The following DGKB variants were observed in gnomAD, a reference collection of about 807,000 sequenced individuals.
DGKB encodes the protein 90 kDa diacylglycerol kinase.
DGKB carries 67 observed loss-of-function variants against 114.3 expected under a neutral mutation model. That is an observed-to-expected ratio of 0.59 (90% CI 0.48 to 0.72). The LOEUF (loss-of-function observed/expected upper bound fraction) is 0.72. Ranked by LOEUF, DGKB falls within the 30% of genes least tolerant of loss-of-function variation. The pLI, the probability that DGKB is intolerant of heterozygous loss-of-function variation, is 0.00. For missense variants in DGKB, 907 were observed against 975.2 expected (o/e 0.93, Z 0.93); for synonymous variants, 398 against 323.1 (o/e 1.23, Z -2.49).
chr7:14,424,059 G>T (rs1047648264), intron 21 of DGKB, among the ~76,000 whole-genome samples: 3 of 152,070 alleles, frequency 2.0e-5, no homozygotes, highest in African/African-American at 7.2e-5. Context: ...TTGGGCAATA[G>T]GTTCCTAACT....
intron 21 of DGKB, among the ~76,000 whole-genome samples, chr7:14,351,139 G>A (rs1292491841): frequency 6.6e-6 from 1 of 152,172 alleles, no homozygotes; most frequent in Non-Finnish European, 1.5e-5. Context: ...TGCAGAGTAA[G>A]TGTTTAAAGT....
At chr7:14,297,616 C>A (rs1584998126) in intron 23 of DGKB, among the ~76,000 whole-genome samples, 1 of 152,092 alleles carries the variant, frequency 6.6e-6, no homozygotes, top group African/African-American at 2.4e-5. Context: ...TGGGCAAAAT[C>A]TGGAAGCATT....
chr7:14,867,107 T>C (rs1851810195), intron 1 of DGKB, among the ~76,000 whole-genome samples: 1 of 152,210 alleles, frequency 6.6e-6, no homozygotes, highest in South Asian at 2.1e-4. Flanking sequence ...TTTTAAGAAT[T>C]CTTTGTAATT....
At position 14,375,749 on chromosome 7, in the gene DGKB, C is replaced by T. The variant is rs192130032; in HGVS notation, c.1836-30358G>A. Among the ~76,000 whole-genome samples the T allele has an allele frequency of 6.0e-4, 92 of 152,292 alleles. 1 individual carries two copies. Among genetic ancestry groups the T allele is most frequent in the South Asian group, 4.6e-3 (22 of 4,832 alleles). ...GCACTTCCTGCCATCTGAAATGCTGCTGTTTTACTTTGATTGCCTCTCTCC... is the reference window on the plus strand; with the variant it reads ...GCACTTCCTGCCATCTGAAATGCTGTTGTTTTACTTTGATTGCCTCTCTCC... On this transcript the variant is annotated intron_variant, in intron 21 of 25. Transcript: ENST00000402815.
rs538298385 is a variant in DGKB, at chr7:14,841,301, G to C, written c.-38C>G. 6.3e-7 allele frequency: 1 copy of C among 1,588,884 alleles called. No homozygotes were observed. Among genetic ancestry groups the C allele is most frequent in the Admixed American group, 1.7e-5 (1 of 59,040 alleles). On this transcript the variant is annotated 5_prime_UTR_variant, in exon 2 of 26. The change creates a new upstream start codon in the 5' untranslated region. Transcript: ENST00000402815. ...AAGCTCTGTCACATACCAGGTAAAAGATTCTTTATTCAGGTGTTGCGCAGA... is the reference window on the plus strand; with the variant it reads ...AAGCTCTGTCACATACCAGGTAAAACATTCTTTATTCAGGTGTTGCGCAGA...
chr7:14,380,283 T>C (rs1657866649), intron 21 of DGKB, among the ~76,000 whole-genome samples: 1 of 151,736 alleles, frequency 6.6e-6, no homozygotes, highest in African/African-American at 2.4e-5. Context: ...TGGCAGCATG[T>C]TTTTAATTAT....
rs188901278 is a variant in DGKB, at chr7:14,795,796, T to C, written c.71-38065A>G. 1.1e-3 allele frequency among the ~76,000 whole-genome samples: 173 copies of C among 152,312 alleles called. 1 individual carries two copies. The highest frequency in any genetic ancestry group is 4.0e-3 in the African/African-American group (166 of 41,586). ...CTAGGCTTACTGATTATGGCATTTC[T>C]AGACGTGAAATAGAAAATCTGTCAA... On this transcript the variant is annotated intron_variant, in intron 2 of 25. Coordinates refer to ENST00000402815, the MANE Select transcript of DGKB (RefSeq NM_001350709.2).
intron 16 of DGKB, among the ~76,000 whole-genome samples, chr7:14,611,346 C>A (rs1322813916): frequency 6.6e-6 from 1 of 152,126 alleles, no homozygotes; most frequent in Non-Finnish European, 1.5e-5. Flanking sequence ...GCATTGCTGT[C>A]TGAACACATA....
At chr7:14,644,223 T>C (rs1812455267) in intron 13 of DGKB, among the ~76,000 whole-genome samples, 1 of 151,840 alleles carries the variant, frequency 6.6e-6, no homozygotes, top group South Asian at 2.1e-4. Flanking sequence ...GGAAAAAAAG[T>C]GTTACCCTAT....
chr7:14,243,999 T>G (rs548897304), intron 23 of DGKB, among the ~76,000 whole-genome samples: 1 of 151,952 alleles, frequency 6.6e-6, no homozygotes, highest in East Asian at 2.0e-4. Context: ...TTTCCTTCTA[T>G]GAAATACAGT....
At chr7:14,732,063 A>G (rs1196131926) in intron 5 of DGKB, among the ~76,000 whole-genome samples, 1 of 152,186 alleles carries the variant, frequency 6.6e-6, no homozygotes, top group Non-Finnish European at 1.5e-5. Context: ...ACCCAGCTAT[A>G]CATATGCATA....
chr7:14,547,352 C>G (rs1390576312), intron 20 of DGKB, among the ~76,000 whole-genome samples: 3 of 151,802 alleles, frequency 2.0e-5, no homozygotes, highest in Admixed American at 2.0e-4. Context: ...TTCTGTCTTT[C>G]CAATAGTAAG....
Position 14,491,586 on chromosome 7 carries a change from T to C in DGKB, c.1771-13361A>G, listed in dbSNP as rs549108158. On this transcript the variant is annotated intron_variant, in intron 20 of 25. Transcript: ENST00000402815. ...GTATTTCATCATTTATTGTTGCTAATGCCATTAGCATCCAATATTTCCTAA... is the reference window on the plus strand; with the variant it reads ...GTATTTCATCATTTATTGTTGCTAACGCCATTAGCATCCAATATTTCCTAA... Among the ~76,000 whole-genome samples the C allele has an allele frequency of 1.2e-4, 19 of 152,258 alleles. 1 individual carries two copies. The South Asian group carries it at 3.9e-3, about 32-fold the overall frequency.
intron 20 of DGKB, among the ~76,000 whole-genome samples, chr7:14,518,869 TG>T (rs891498177): frequency 6.6e-6 from 1 of 152,014 alleles, no homozygotes; most frequent in Non-Finnish European, 1.5e-5. Context: ...ACAGATTCTT[TG>T]GGTCCTTTCC....
chr7:14,486,205 G>A (rs1783781776), intron 20 of DGKB, among the ~76,000 whole-genome samples: 1 of 152,178 alleles, frequency 6.6e-6, no homozygotes, highest in Non-Finnish European at 1.5e-5. Flanking sequence ...CTCCCATTCA[G>A]GAAGGGCCCC....
At chr7:14,196,613 A>C (rs1368881286) in intron 23 of DGKB, among the ~76,000 whole-genome samples, 1 of 152,134 alleles carries the variant, frequency 6.6e-6, no homozygotes, top group Non-Finnish European at 1.5e-5. Flanking sequence ...CCATTTGTAA[A>C]TAACCATAAG....
At chr7:14,519,808 G>A (rs1243585909) in intron 20 of DGKB, among the ~76,000 whole-genome samples, 2 of 151,806 alleles carry the variant, frequency 1.3e-5, no homozygotes, top group Non-Finnish European at 2.9e-5. Context: ...TATTAATAAT[G>A]TTGATCACAT....
At chr7:14,274,702 G>T (rs1213400021) in intron 23 of DGKB, among the ~76,000 whole-genome samples, 6 of 152,066 alleles carry the variant, frequency 3.9e-5, no homozygotes, top group Admixed American at 3.9e-4. Context: ...TCTGGTGAGG[G>T]CTCTCTTGTT....
At chr7:14,341,672 A>C (rs181595593) in intron 22 of DGKB, among the ~76,000 whole-genome samples, 1 of 152,040 alleles carries the variant, frequency 6.6e-6, no homozygotes, top group Non-Finnish European at 1.5e-5. Flanking sequence ...GACAAATATA[A>C]TTAAAAGAAA....
Sources: gnomAD v4.1 joint callset for allele counts (sites outside exome capture counted in the v4.1 genomes callset) on GRCh38, gnomAD v4.1.1 for gene constraint, MANE v1.5 for transcripts, NCBI Gene and HGNC (gene_info 2026-07-23, HGNC 2026-07-21) for gene names.